CRPPA: variants seen among roughly 807,000 people sequenced by gnomAD.
CRPPA encodes D-ribitol-5-phosphate cytidylyltransferase.
CRPPA carries 43 observed loss-of-function variants against 52.0 expected under a neutral mutation model. That is an observed-to-expected ratio of 0.83 (90% CI 0.65 to 1.07). CRPPA has a LOEUF of 1.07. Among genes scored for constraint, CRPPA ranks in the 50% least tolerant of loss-of-function variants. CRPPA has a pLI of 0.00. For synonymous variants in CRPPA, 250 were observed against 203.5 expected, an observed-to-expected ratio of 1.23 and a Z score of -1.94; for missense variants, 629 against 551.7, an observed-to-expected ratio of 1.14 and a Z score of -1.40.
At chr7:16,221,735 AC>A (rs1463098979) in intron 8 of CRPPA, among the ~76,000 whole-genome samples, 1 of 151,988 alleles carries the variant, frequency 6.6e-6, no homozygotes, top group East Asian at 1.9e-4. Flanking sequence ...GCAAATCAAA[AC>A]CACAATGAGA....
intron 9 of CRPPA, among the ~76,000 whole-genome samples, chr7:16,171,368 G>T (rs1781182521): frequency 6.6e-6 from 1 of 151,926 alleles, no homozygotes; most frequent in Admixed American, 6.6e-5. Flanking sequence ...CCTATCTTGT[G>T]TGCTTTTAAA....
chr7:16,112,150 A>G (rs1782277772), intron 9 of CRPPA, among the ~76,000 whole-genome samples: 1 of 152,102 alleles, frequency 6.6e-6, no homozygotes, highest in African/African-American at 2.4e-5. Flanking sequence ...CCCCATCTCT[A>G]CTAAAAATAC....
At chr7:16,143,435 G>A (rs1000005220) in intron 9 of CRPPA, among the ~76,000 whole-genome samples, 3 of 152,138 alleles carry the variant, frequency 2.0e-5, no homozygotes, top group Non-Finnish European at 4.4e-5. Context: ...TTTAAGCCAA[G>A]GGTAAGTAGG....
chr7:16,303,294 T>C (rs1784827794), intron 4 of CRPPA, among the ~76,000 whole-genome samples: 1 of 151,954 alleles, frequency 6.6e-6, no homozygotes, highest in Non-Finnish European at 1.5e-5. Flanking sequence ...AGGAATCTAA[T>C]TTGGATAGAA....
chr7:16,264,534 A>G (rs960715422), intron 6 of CRPPA, among the ~76,000 whole-genome samples: 3 of 152,202 alleles, frequency 2.0e-5, no homozygotes, highest in Non-Finnish European at 2.9e-5. Context: ...TTTTCATCTC[A>G]AAAAGCATTA....
chr7:16,318,032 T>C (rs114712745), intron 3 of CRPPA, among the ~76,000 whole-genome samples: 100 of 152,302 alleles, frequency 6.6e-4, no homozygotes, highest in African/African-American at 2.4e-3. Flanking sequence ...ATGGCTCCTC[T>C]GGAATTTTCA....
At position 16,372,470 on chromosome 7, in the gene CRPPA, T is replaced by G. The variant is rs144572494; in HGVS notation, c.684+3622A>C. Among the ~76,000 whole-genome samples, 35 of 152,240 alleles carry G rather than the reference T, an allele frequency of 2.3e-4. No homozygotes were observed. The East Asian group carries it at 6.4e-3, about 28-fold the overall frequency. ...CTAAGCTTCATAAATGAAGGAGAGATAAAATCTTTTTCACACAAACAAATG... is the reference window on the plus strand; with the variant it reads ...CTAAGCTTCATAAATGAAGGAGAGAGAAAATCTTTTTCACACAAACAAATG... On this transcript the variant is annotated intron_variant, in intron 3 of 9. Coordinates refer to ENST00000407010, the MANE Select transcript of CRPPA (RefSeq NM_001101426.4).
intron 3 of CRPPA, among the ~76,000 whole-genome samples, chr7:16,370,953 C>A (rs982932235): frequency 1.9e-4 from 29 of 152,306 alleles, no homozygotes; most frequent in African/African-American, 6.7e-4. Context: ...CACAATTCCT[C>A]CCTACTTGGA....
intron 9 of CRPPA, among the ~76,000 whole-genome samples, chr7:16,169,790 T>C (rs888363038): frequency 6.6e-6 from 1 of 152,186 alleles, no homozygotes; most frequent in African/African-American, 2.4e-5. Context: ...AAAATGAGGT[T>C]ATTTCCAACA....
At chr7:16,204,075 T>C (rs1249099699) in intron 9 of CRPPA, among the ~76,000 whole-genome samples, 2 of 152,176 alleles carry the variant, frequency 1.3e-5, no homozygotes, top group East Asian at 1.9e-4. Context: ...GAACATGTAT[T>C]TCCTAGCTCA....
At chr7:16,364,058 A>G (rs58553783) in intron 3 of CRPPA, among the ~76,000 whole-genome samples, 16,504 of 152,238 alleles carry the variant, frequency 0.11, 1,135 homozygotes, top group East Asian at 0.37. Context: ...AAGAAAATTT[A>G]AAGACATCAA....
chr7:16,157,758 C>T (rs1179862045), intron 9 of CRPPA, among the ~76,000 whole-genome samples: 2 of 152,210 alleles, frequency 1.3e-5, no homozygotes, highest in Non-Finnish European at 2.9e-5. Flanking sequence ...TGCCCCCTCT[C>T]TGTCCCTCAC....
chr7:16,280,045 A>G (rs1436547986), intron 5 of CRPPA, among the ~76,000 whole-genome samples: 5 of 152,188 alleles, frequency 3.3e-5, no homozygotes, highest in African/African-American at 1.2e-4. Flanking sequence ...TTTTAAAACT[A>G]TCAGATCTCA....
chr7:16,218,131 A>G (rs1029916823), intron 8 of CRPPA, among the ~76,000 whole-genome samples: 87 of 152,276 alleles, frequency 5.7e-4, no homozygotes, highest in African/African-American at 2.0e-3. Flanking sequence ...AGTGGGGGCC[A>G]ATATTCAACA....
chr7:16,280,413 G>T (rs1463975405), intron 5 of CRPPA, among the ~76,000 whole-genome samples: 1 of 152,082 alleles, frequency 6.6e-6, no homozygotes, highest in African/African-American at 2.4e-5. Flanking sequence ...TTAGGCTAAG[G>T]CCCCAACAGT....
intron 9 of CRPPA, among the ~76,000 whole-genome samples, chr7:16,178,932 C>A (rs951665376): frequency 6.6e-6 from 1 of 151,958 alleles, no homozygotes; most frequent in African/African-American, 2.4e-5. Flanking sequence ...GGTTGAGGCT[C>A]TATTTACTAG....
At chr7:16,392,572 G>C (rs1271674920) in intron 2 of CRPPA, among the ~76,000 whole-genome samples, 1 of 152,080 alleles carries the variant, frequency 6.6e-6, no homozygotes, top group Non-Finnish European at 1.5e-5. Context: ...GAGGGTAGAT[G>C]CACTCCCTCC....
At chr7:16,339,095 G>A (rs986477303) in intron 3 of CRPPA, among the ~76,000 whole-genome samples, 14 of 151,970 alleles carry the variant, frequency 9.2e-5, no homozygotes, top group Admixed American at 2.0e-4. Flanking sequence ...GTGAGCCACC[G>A]TACCCGGCCT....
chr7:16,404,298 A>T (rs1787897831), intron 2 of CRPPA, among the ~76,000 whole-genome samples: 1 of 152,188 alleles, frequency 6.6e-6, no homozygotes, highest in Non-Finnish European at 1.5e-5. Flanking sequence ...TTCATTTAAG[A>T]TGCATTATGT....
Sources: allele counts gnomAD v4.1 joint callset (sites outside exome capture counted in the v4.1 genomes callset), GRCh38; gene constraint gnomAD v4.1.1; transcripts MANE v1.5; gene names NCBI Gene and HGNC (gene_info 2026-07-23, HGNC 2026-07-21).